MACC1: variants seen among roughly 807,000 people sequenced by gnomAD.
MACC1 encodes the protein MET transcriptional regulator MACC1, also known as metastasis-associated in colon cancer protein 1.
A neutral mutation model predicts 70.7 loss-of-function variants in MACC1; 79 were observed. The observed-to-expected ratio is 1.12, with a 90% CI of 0.93 to 1.35. The LOEUF (loss-of-function observed/expected upper bound fraction) is 1.35, where lower values mean the gene tolerates loss of function less well. Among genes scored for constraint, MACC1 ranks in the 40% most tolerant of loss-of-function variants. MACC1 has a pLI of 0.00. For synonymous variants in MACC1, 361 were observed against 347.2 expected (o/e 1.04, Z -0.44); for missense variants, 1,106 against 978.1 (o/e 1.13, Z -1.74).
rs1159756186 is a variant in MACC1 at position 20,140,812 on chromosome 7, CACACACACACACAGACACACACACACAG to C, written c.*106_*133del. The C allele has an allele frequency of 2.9e-5, 16 of 549,934 alleles. No individual in the cohort carries two copies. In the African/African-American group the frequency reaches 3.2e-4, roughly 11 times the overall value. The allele number at this position is 549,934 out of a possible 1,614,324, so 34.1% of individuals were successfully genotyped here. On this transcript the variant is annotated 3_prime_UTR_variant, in exon 7 of 7. Coordinates refer to ENST00000400331, the MANE Select transcript of MACC1 (RefSeq NM_182762.4). ...AGATTCTTTCTTTCCTACACACACA[CACACACACACACAGACACACACACACAG>C]ACACACACACACAGACACACAGAGA...
chr7:20,162,737 A>T (rs1373521774), intron 3 of MACC1, among the ~76,000 whole-genome samples: 2 of 152,208 alleles, frequency 1.3e-5, no homozygotes, highest in Non-Finnish European at 2.9e-5. Flanking sequence ...TGCTAAAAAA[A>T]TATTACATTG....
At chr7:20,195,063 A>T (rs1782728886) in intron 1 of MACC1, among the ~76,000 whole-genome samples, 1 of 151,830 alleles carries the variant, frequency 6.6e-6, no homozygotes, top group Non-Finnish European at 1.5e-5. Flanking sequence ...GGATAGGAAA[A>T]TTTTTTTCCT....
At chr7:20,160,322 A>G in intron 4 of MACC1, 77 bp from the exon 5 acceptor site, 1 of 1,447,192 alleles carries the variant, frequency 6.9e-7, no homozygotes, top group Non-Finnish European at 9.1e-7. Flanking sequence ...AATTTTTCCC[A>G]TAGCTTAAAA....
intron 1 of MACC1, among the ~76,000 whole-genome samples, chr7:20,183,137 AC>A (rs1422105038): frequency 4.0e-4 from 61 of 152,290 alleles, no homozygotes; most frequent in African/African-American, 1.4e-3. Flanking sequence ...TGGTGGATGT[AC>A]CCGACTTAAT....
At chr7:20,178,662 C>T (rs112089024) in intron 1 of MACC1, among the ~76,000 whole-genome samples, 5 of 152,288 alleles carry the variant, frequency 3.3e-5, no homozygotes, top group African/African-American at 1.2e-4. Context: ...TGCAAAGGCG[C>T]GATCTCGGCT....
At position 20,169,702 on chromosome 7, in the gene MACC1, C is replaced by T. The variant is rs141800399; in HGVS notation, c.-153+1012G>A. On this transcript the variant is annotated intron_variant, in intron 2 of 6. Coordinates refer to ENST00000400331, the MANE Select transcript of MACC1 (RefSeq NM_182762.4). ...GAGTTACAATTCTCTGGTTACAGTC[C>T]TTCTAGTATAAACTTGGAAAGATAC... is the stretch of plus-strand genomic sequence containing the variant. 1.1e-3 allele frequency among the ~76,000 whole-genome samples: 174 copies of T among 152,286 alleles called. 1 individual carries two copies. Among genetic ancestry groups the T allele is most frequent in the Non-Finnish European group, 1.0e-4 (7 of 68,022 alleles).
In MACC1 at chr7:20,141,072, CTGAAGGT is replaced by C; in HGVS notation, c.2426_2432del (p.Asp809GlyfsTer7). The C allele has an allele frequency of 3.1e-6, 5 of 1,613,770 alleles. No homozygotes were observed. The highest frequency in any genetic ancestry group is 4.2e-6 in the Non-Finnish European group (5 of 1,179,782). The stretch of plus-strand genomic sequence containing the variant: ...GGTTTTTCATTCTGTCCAAAGCTGA[CTGAAGGT>C]CTTGTAACACATCTCTGTAGTTATT... On this transcript the variant is annotated frameshift_variant, in exon 7 of 7. Transcript: ENST00000400331. LOFTEE classifies it high-confidence loss of function.
rs1781703403 is a variant in MACC1, at chr7:20,135,163, A to T, written c.*5783T>A. 6.6e-6 allele frequency: 1 copy of T among 152,268 alleles called. No homozygotes were observed. The highest frequency in any genetic ancestry group is 1.5e-5 in the Non-Finnish European group (1 of 68,048). 9.4% of individuals were successfully genotyped at this position (152,268 alleles called of 1,614,324 possible). A position where few individuals can be genotyped will look rare whatever the true frequency, so the allele number is the denominator to read the frequency against. ...GAAGATATTTTACAGAAACAAATGC[A>T]ATGTTACATATATTTTGTAAAATTA... is the stretch of plus-strand genomic sequence containing the variant. On this transcript the variant is annotated 3_prime_UTR_variant, in exon 7 of 7. Coordinates refer to ENST00000400331, the MANE Select transcript of MACC1 (RefSeq NM_182762.4).
chr7:20,189,071 C>A (rs533566726), intron 1 of MACC1, among the ~76,000 whole-genome samples: 1 of 152,268 alleles, frequency 6.6e-6, no homozygotes, highest in South Asian at 2.1e-4. Flanking sequence ...TTGCTGTCTT[C>A]TCTGCCAAAA....
chr7:20,184,746 T>C (rs936429810), intron 1 of MACC1, among the ~76,000 whole-genome samples: 6 of 152,130 alleles, frequency 3.9e-5, no homozygotes, highest in African/African-American at 1.4e-4. Context: ...ACTACAAAAA[T>C]TTTTCTTTGT....
At chr7:20,181,333 G>A (rs1782503594) in intron 1 of MACC1, among the ~76,000 whole-genome samples, 1 of 151,870 alleles carries the variant, frequency 6.6e-6, no homozygotes, top group Non-Finnish European at 1.5e-5. Context: ...AGAAAGGACA[G>A]TTACAGTATA....
chr7:20,162,088 C>G (rs913002859), intron 3 of MACC1, among the ~76,000 whole-genome samples: 2 of 151,918 alleles, frequency 1.3e-5, no homozygotes, highest in Non-Finnish European at 2.9e-5. Context: ...TACCAATAAC[C>G]AAATCTGGAA....
At chr7:20,185,422 C>T (rs1782571067) in intron 1 of MACC1, among the ~76,000 whole-genome samples, 1 of 151,964 alleles carries the variant, frequency 6.6e-6, no homozygotes, top group Non-Finnish European at 1.5e-5. Flanking sequence ...ATAAGGAAAA[C>T]TCTTGGGATT....
At chr7:20,197,943 T>A (rs1488249878) in intron 1 of MACC1, among the ~76,000 whole-genome samples, 1 of 152,224 alleles carries the variant, frequency 6.6e-6, no homozygotes, top group Non-Finnish European at 1.5e-5. Context: ...TTTATAGAAA[T>A]ATTTTATGTA....
intron 6 of MACC1, among the ~76,000 whole-genome samples, chr7:20,146,627 T>C (rs1781895583): frequency 6.6e-6 from 1 of 152,218 alleles, no homozygotes; most frequent in South Asian, 2.1e-4. Context: ...CAAGATCTCT[T>C]CCAGATTTAT....
chr7:20,216,891 T>C (rs1413602296), intron 1 of MACC1, among the ~76,000 whole-genome samples: 1 of 152,220 alleles, frequency 6.6e-6, no homozygotes, highest in Non-Finnish European at 1.5e-5. Context: ...GGCTGCTGAT[T>C]GCAACTTTAT....
At chr7:20,160,759 C>T (rs879625475) in intron 4 of MACC1, among the ~76,000 whole-genome samples, 12 of 152,056 alleles carry the variant, frequency 7.9e-5, no homozygotes, top group Non-Finnish European at 1.5e-4. Flanking sequence ...ATATCAAATA[C>T]ATCTGTTAAT....
intron 6 of MACC1, among the ~76,000 whole-genome samples, chr7:20,147,725 G>A (rs1293812115): frequency 6.6e-6 from 1 of 152,154 alleles, no homozygotes; most frequent in Non-Finnish European, 1.5e-5. Flanking sequence ...AAGTCTATTT[G>A]AGGACAACCA....
rs763278241 is a variant in MACC1 at position 20,159,423 on chromosome 7, C to G, written c.938G>C (p.Ser313Thr). ...QVMTEMVCLH[S>T]LGKEGPFKVL... is the part of the protein sequence containing the mutation. Reference sequence around the variant, plus strand: ...TTTAAAAGGGCCTTCTTTACCCAAGCTGTGTAAACACACCATTTCTGTCAT... The same window carrying G: ...TTTAAAAGGGCCTTCTTTACCCAAGGTGTGTAAACACACCATTTCTGTCAT... Residue 313 changes from serine (S) to threonine (T), a missense_variant, in exon 5 of 7, where the codon AGC (serine) becomes ACC (threonine). Coordinates refer to ENST00000400331, the MANE Select transcript of MACC1 (RefSeq NM_182762.4). 14 of 1,613,910 alleles carry G rather than the reference C, an allele frequency of 8.7e-6. No individual in the cohort carries two copies. The highest frequency in any genetic ancestry group is 6.7e-5 in the Admixed American group (4 of 59,970).
Sources: allele counts gnomAD v4.1 joint callset (sites outside exome capture counted in the v4.1 genomes callset), GRCh38; gene constraint gnomAD v4.1.1; transcripts MANE v1.5; gene names NCBI Gene and HGNC (gene_info 2026-07-23, HGNC 2026-07-21).